Variants in CMIP observed in about 807,000 individuals in gnomAD.
The protein encoded by CMIP is c-Maf inducing protein, also known as C-Maf-inducing protein.
A neutral mutation model predicts 97.3 loss-of-function variants in CMIP; 13 were observed. The observed-to-expected ratio is 0.13, with a 90% CI of 0.09 to 0.21. The LOEUF (loss-of-function observed/expected upper bound fraction) is 0.21. Ranked by LOEUF, CMIP falls within the 10% of genes least tolerant of loss-of-function variation. The pLI is 1.00. For synonymous variants in CMIP, 538 were observed against 436.3 expected (o/e 1.23, Z -2.91); for missense variants, 847 against 1,024.9 (o/e 0.83, Z 2.37).
At chr16:81,667,336 G>A (rs959362711) in intron 7 of CMIP, 3 of 152,206 alleles carry the variant, frequency 2.0e-5, no homozygotes, top group South Asian at 2.1e-4. Flanking sequence ...GCCAAACTGC[G>A]TTCTGAAGAA....
chr16:81,472,444 C>T (rs539079734), intron 1 of CMIP, among the ~76,000 whole-genome samples: 14 of 152,274 alleles, frequency 9.2e-5, no homozygotes, highest in African/African-American at 3.4e-4. Flanking sequence ...GTGCCCCATG[C>T]GTGGAGGAGT....
chr16:81,491,116 G>T (rs781756342), intron 1 of CMIP, among the ~76,000 whole-genome samples: 1 of 152,118 alleles, frequency 6.6e-6, no homozygotes, highest in African/African-American at 2.4e-5. Context: ...TCCTGTTCCT[G>T]ACCCATGTGG....
At chr16:81,462,614 T>A (rs1390534096) in intron 1 of CMIP, among the ~76,000 whole-genome samples, 1 of 152,254 alleles carries the variant, frequency 6.6e-6, no homozygotes, top group Non-Finnish European at 1.5e-5. Flanking sequence ...CTGTACTTGC[T>A]TGAGCTGTGT....
At chr16:81,630,343 A>T (rs2092138827) in intron 3 of CMIP, 1 of 152,262 alleles carries the variant, frequency 6.6e-6, no homozygotes, top group Admixed American at 6.5e-5. Flanking sequence ...CACGCAGGCC[A>T]CCGACTCATG....
At chr16:81,572,382 G>A (rs530649157) in intron 1 of CMIP, among the ~76,000 whole-genome samples, 3 of 152,352 alleles carry the variant, frequency 2.0e-5, no homozygotes, top group East Asian at 3.9e-4. Context: ...CAGATGTGCT[G>A]GGGTAGGGTG....
intron 1 of CMIP, among the ~76,000 whole-genome samples, chr16:81,605,760 C>T (rs532536719): frequency 6.6e-6 from 1 of 152,256 alleles, no homozygotes; most frequent in Non-Finnish European, 1.5e-5. Flanking sequence ...CCTTGCCACT[C>T]TCCAATAGTT....
At chr16:81,504,138 C>T (rs955824526) in intron 1 of CMIP, among the ~76,000 whole-genome samples, 2 of 152,116 alleles carry the variant, frequency 1.3e-5, no homozygotes, top group African/African-American at 4.8e-5. Flanking sequence ...CCAGCCTGGC[C>T]CACATGGTGA....
intron 1 of CMIP, among the ~76,000 whole-genome samples, chr16:81,555,569 G>A (rs570645103): frequency 1.7e-4 from 26 of 152,326 alleles, no homozygotes; most frequent in African/African-American, 5.8e-4. Flanking sequence ...CTGTCCAAGA[G>A]GGCCTTGCCA....
chr16:81,589,830 A>G (rs757645305), intron 1 of CMIP, among the ~76,000 whole-genome samples: 2 of 152,208 alleles, frequency 1.3e-5, no homozygotes, highest in Non-Finnish European at 2.9e-5. Flanking sequence ...TAGCGGGTAA[A>G]CTTAAGGCGC....
intron 10 of CMIP, among the ~76,000 whole-genome samples, chr16:81,685,579 C>CT (rs1473134264): frequency 6.6e-6 from 1 of 152,054 alleles, no homozygotes; most frequent in East Asian, 1.9e-4. Context: ...TTGAGATACT[C>CT]TGTCACCGAG....
At position 81,570,153 on chromosome 16, in the gene CMIP, G is replaced by A. The variant is rs555672148; in HGVS notation, c.301-37414G>A. Among the ~76,000 whole-genome samples, 6 of 152,324 alleles carry A rather than the reference G, an allele frequency of 3.9e-5. No homozygotes were observed. The East Asian group carries it at 1.2e-3, about 29-fold the overall frequency. On this transcript the variant is annotated intron_variant, in intron 1 of 20. Transcript: ENST00000537098. ...TGGATCCTTGTTTGCTGTGATTTGAGCCAAGGACAGCTGTAGTTTTTTTGT... is the reference window on the plus strand; with the variant it reads ...TGGATCCTTGTTTGCTGTGATTTGAACCAAGGACAGCTGTAGTTTTTTTGT...
At chr16:81,501,145 G>A (rs1214377795) in intron 1 of CMIP, among the ~76,000 whole-genome samples, 3 of 152,222 alleles carry the variant, frequency 2.0e-5, no homozygotes, top group Non-Finnish European at 2.9e-5. Flanking sequence ...CGTTTTCCTG[G>A]AGAACGCAGT....
intron 13 of CMIP, chr16:81,696,319 C>T (rs1210478198): frequency 1.7e-6 from 1 of 579,336 alleles, no homozygotes; most frequent in Non-Finnish European, 3.1e-6. Flanking sequence ...GCCTGCCCTC[C>T]CTCCTGTGCA....
At chr16:81,625,848 C>G (rs2092053881) in intron 3 of CMIP, among the ~76,000 whole-genome samples, 1 of 152,220 alleles carries the variant, frequency 6.6e-6, no homozygotes, top group Non-Finnish European at 1.5e-5. Context: ...GCACACTAGT[C>G]CTGGAAACCA....
intron 10 of CMIP, among the ~76,000 whole-genome samples, chr16:81,687,736 C>T (rs764418851): frequency 2.0e-5 from 3 of 152,172 alleles, no homozygotes; most frequent in Admixed American, 6.5e-5. Context: ...GAGACGCCGG[C>T]GAGTTCTCTG....
At chr16:81,547,376 C>T (rs1209734305) in intron 1 of CMIP, among the ~76,000 whole-genome samples, 4 of 152,122 alleles carry the variant, frequency 2.6e-5, no homozygotes, top group Non-Finnish European at 5.9e-5. Flanking sequence ...TGCAGAAAGA[C>T]CCCCGCTCCA....
At chr16:81,577,098 A>G (rs1460750606) in intron 1 of CMIP, among the ~76,000 whole-genome samples, 3 of 144,444 alleles carry the variant, frequency 2.1e-5, no homozygotes, top group Admixed American at 1.4e-4. Context: ...CTACATTATT[A>G]TCACTATCAC....
chr16:81,648,549 C>T (rs1170967168), intron 3 of CMIP, among the ~76,000 whole-genome samples: 7 of 151,838 alleles, frequency 4.6e-5, no homozygotes, highest in East Asian at 1.9e-4. Context: ...TTTGGGAGGC[C>T]GAGGCGGGTG....
chr16:81,657,838 TCCC>T, intron 5 of CMIP, 22 bp downstream of exon 5: 1 of 1,593,662 alleles, frequency 6.3e-7, no homozygotes, highest in Non-Finnish European at 8.6e-7. Context: ...TCGAACACGC[TCCC>T]TCCACCCACC....
Sources: gnomAD v4.1 joint callset for allele counts (sites outside exome capture counted in the v4.1 genomes callset) on GRCh38, gnomAD v4.1.1 for gene constraint, MANE v1.5 for transcripts, NCBI Gene and HGNC (gene_info 2026-07-23, HGNC 2026-07-21) for gene names.